The following CLIP1 variants were observed in gnomAD, a reference collection of about 807,000 sequenced individuals.
CLIP1 encodes CAP-Gly domain containing linker protein 1, also known as CAP-Gly domain-containing linker protein 1.
Under a neutral mutation model 161.6 loss-of-function variants are expected in CLIP1, and 66 were observed. The observed-to-expected ratio is 0.41, with a 90% CI of 0.33 to 0.50. The LOEUF (loss-of-function observed/expected upper bound fraction) is 0.50. Ranked by LOEUF, CLIP1 falls within the 20% of genes least tolerant of loss-of-function variation. CLIP1 has a pLI of 0.27. For synonymous variants in CLIP1, 598 were observed against 626.2 expected (o/e 0.96, Z 0.67); for missense variants, 1,376 against 1,702.0 (o/e 0.81, Z 3.37).
At chr12:122,306,671 C>A (rs1360822763) in intron 20 of CLIP1, among the ~76,000 whole-genome samples, 1 of 152,050 alleles carries the variant, frequency 6.6e-6, no homozygotes, top group Non-Finnish European at 1.5e-5. Flanking sequence ...ACATGATCAC[C>A]AAGTGAGAAA....
In CLIP1 at chr12:122,274,171, TTAA is replaced by T; in HGVS notation, c.3967-12_3967-10del. ...GAATTTAGGAAATCAATCTGATTTG[TTAA>T]AAAAAAAATGTGTAAAATGTCAAGA... On this transcript the variant is annotated splice_polypyrimidine_tract_variant and intron_variant, in intron 24 of 25. Transcript: ENST00000620786. The T allele has an allele frequency of 6.3e-7, 1 of 1,582,804 alleles. No individual in the cohort carries two copies. Among genetic ancestry groups the T allele is most frequent in the Middle Eastern group, 1.7e-4 (1 of 5,978 alleles).
intron 21 of CLIP1, among the ~76,000 whole-genome samples, chr12:122,284,467 C>T (rs1479065860): frequency 6.6e-6 from 1 of 152,076 alleles, no homozygotes; most frequent in Non-Finnish European, 1.5e-5. Context: ...ATTCTCCTGC[C>T]TCAGCCTCCT....
intron 12 of CLIP1, among the ~76,000 whole-genome samples, chr12:122,336,212 G>A (rs918620942): frequency 5.3e-5 from 8 of 152,046 alleles, no homozygotes; most frequent in African/African-American, 1.9e-4. Context: ...ATCCTGCCTC[G>A]CCAACAGAGG....
At chr12:122,301,344 A>T (rs1950669846) in intron 20 of CLIP1, among the ~76,000 whole-genome samples, 1 of 152,230 alleles carries the variant, frequency 6.6e-6, no homozygotes, top group Non-Finnish European at 1.5e-5. Context: ...AACTTTTCAC[A>T]AAGTTTGAAA....
rs146143676 is a variant in CLIP1 at position 122,405,827 on chromosome 12, G to A, written c.-107+16694C>T. ...CTCACGGCCGTAATCCCAGCACTTT[G>A]GGAGGACAAGGCGAGCGGATCACCT... is the stretch of plus-strand genomic sequence containing the variant. On this transcript the variant is annotated intron_variant, in intron 1 of 25. Transcript: ENST00000620786. Among the ~76,000 whole-genome samples, 48 of 151,900 alleles carry A rather than the reference G, an allele frequency of 3.2e-4. No individual in the cohort carries two copies. In the East Asian group the frequency reaches 8.9e-3, roughly 28 times the overall value.
chr12:122,383,636 T>C (rs373242604), intron 1 of CLIP1, among the ~76,000 whole-genome samples: 6 of 152,370 alleles, frequency 3.9e-5, no homozygotes, highest in South Asian at 2.1e-4. Flanking sequence ...AACGCCAGTG[T>C]TGATTTTTTA....
In CLIP1 at chr12:122,336,712, GCT is replaced by G. The variant is rs781492649; in HGVS notation, c.2486_2487del (p.Glu829AlafsTer5). 9.1e-5 allele frequency: 146 copies of G among 1,610,394 alleles called. No individual in the cohort carries two copies. The highest frequency in any genetic ancestry group is 1.2e-4 in the Non-Finnish European group (144 of 1,177,864). On this transcript the variant is annotated frameshift_variant, in exon 12 of 26. Coordinates refer to ENST00000620786, the MANE Select transcript of CLIP1 (RefSeq NM_001247997.2). LOFTEE classifies it high-confidence loss of function. ...TTTTCCTGAAGGTTAGTAAGCTTTA[GCT>G]CTCTCCCCTGGAGCTCTCTGGTAAT... ...SSITRELQGRELKLTNLQENL... is the reference protein window; with the variant it reads ...SSITRELQGRXLKLTNLQENL...
intron 17 of CLIP1, among the ~76,000 whole-genome samples, chr12:122,327,570 C>T (rs905734498): frequency 1.3e-5 from 2 of 151,934 alleles, no homozygotes; most frequent in Non-Finnish European, 2.9e-5. Flanking sequence ...CTTGCTTTAT[C>T]GCAACATCTC....
At chr12:122,348,533 G>A (rs553687287) in intron 9 of CLIP1, among the ~76,000 whole-genome samples, 2 of 152,212 alleles carry the variant, frequency 1.3e-5, no homozygotes, top group African/African-American at 2.4e-5. Context: ...CCACCATTAC[G>A]CACTTGGATG....
At chr12:122,298,647 T>C (rs1950563124) in intron 20 of CLIP1, among the ~76,000 whole-genome samples, 1 of 151,224 alleles carries the variant, frequency 6.6e-6, no homozygotes, top group South Asian at 2.1e-4. Context: ...ATTCACATTG[T>C]CCTTTATCAA....
chr12:122,312,264 T>C (rs566530259), intron 19 of CLIP1, among the ~76,000 whole-genome samples: 18 of 152,390 alleles, frequency 1.2e-4, no homozygotes, highest in African/African-American at 4.1e-4. Context: ...AGATTACTTA[T>C]GCCCTTTTTT....
intron 2 of CLIP1, among the ~76,000 whole-genome samples, chr12:122,379,117 C>G (rs1028364262): frequency 6.7e-6 from 1 of 149,272 alleles, no homozygotes; most frequent in Non-Finnish European, 1.5e-5. Context: ...AAGAGTGAAA[C>G]TCCGTCTCAA....
chr12:122,413,052 T>C (rs958143856), intron 1 of CLIP1, among the ~76,000 whole-genome samples: 1 of 151,972 alleles, frequency 6.6e-6, no homozygotes, highest in South Asian at 2.1e-4. Context: ...ACTTAGGCTA[T>C]AAAAAAAATC....
chr12:122,330,120 AAAAAAAC>A (rs929890294), intron 15 of CLIP1, among the ~76,000 whole-genome samples: 1 of 152,232 alleles, frequency 6.6e-6, no homozygotes, highest in Non-Finnish European at 1.5e-5. Flanking sequence ...TCCGTCTCAA[AAAAAAAC>A]AAAAAACAAA....
intron 1 of CLIP1, among the ~76,000 whole-genome samples, chr12:122,405,107 A>C (rs1956281253): frequency 6.6e-6 from 1 of 152,140 alleles, no homozygotes; most frequent in Non-Finnish European, 1.5e-5. Flanking sequence ...TGTTTTATTG[A>C]ATATTAAAGT....
intron 2 of CLIP1, among the ~76,000 whole-genome samples, chr12:122,379,126 A>G (rs528081800): frequency 3.9e-5 from 6 of 151,940 alleles, no homozygotes; most frequent in African/African-American, 1.4e-4. Flanking sequence ...ACTCCGTCTC[A>G]AAAAACAAAA....
chr12:122,351,159 T>TA lies in CLIP1; in HGVS notation c.1369-17dup, dbSNP rs1323994426. On this transcript the variant is annotated splice_polypyrimidine_tract_variant and intron_variant, in intron 8 of 25. Coordinates refer to ENST00000620786, the MANE Select transcript of CLIP1 (RefSeq NM_001247997.2). ...GGCTCTTTTGCTATCAGTAAAAAAA[T>TA]AAAAAAAATTAAACAACAACAAAAA... 34 of 1,433,360 alleles carry TA rather than the reference T, an allele frequency of 2.4e-5. No individual in the cohort carries two copies. The highest frequency in any genetic ancestry group is 1.8e-4 in the Middle Eastern group (1 of 5,534). The allele number at this position is 1,433,360 out of a possible 1,614,324, so 88.8% of individuals were successfully genotyped here.
chr12:122,334,092 T>G lies in CLIP1; in HGVS notation c.2645A>C (p.His882Pro). ...RSMQETVNKL[H>P]QKEEQFNMLS... is the part of the protein sequence containing the mutation. Reference sequence around the variant, plus strand: ...CATGTTAAACTGTTCCTCCTTTTGGTGTAACTTATTTACAGTTTCTATTTA... The same window carrying G: ...CATGTTAAACTGTTCCTCCTTTTGGGGTAACTTATTTACAGTTTCTATTTA... The change falls in exon 14 of 26, where the codon CAC (histidine) becomes CCC (proline). Residue 882 changes from histidine (H) to proline (P), a missense_variant. By Grantham distance (77) the His-to-Pro change is moderately conservative (BLOSUM62 -2). Transcript: ENST00000620786. The G allele has an allele frequency of 6.2e-7, 1 of 1,610,342 alleles. No homozygotes were observed. The highest frequency in any genetic ancestry group is 8.5e-7 in the Non-Finnish European group (1 of 1,176,626).
intron 1 of CLIP1, among the ~76,000 whole-genome samples, chr12:122,387,579 TATATA>T (rs1955368051): frequency 7.0e-4 from 3 of 4,316 alleles, no homozygotes; most frequent in African/African-American, 8.6e-4. Context: ...TATATATATA[TATATA>T]TATATATTTT....
Sources: allele counts gnomAD v4.1 joint callset (sites outside exome capture counted in the v4.1 genomes callset), GRCh38; gene constraint gnomAD v4.1.1; transcripts MANE v1.5; gene names NCBI Gene and HGNC (gene_info 2026-07-23, HGNC 2026-07-21).